Variants in TMEM38B observed in about 807,000 individuals in gnomAD.
TMEM38B encodes the protein trimeric intracellular cation channel type B.
A neutral mutation model predicts 28.7 loss-of-function variants in TMEM38B; 24 were observed. The observed-to-expected ratio is 0.84, with a 90% CI of 0.61 to 1.18. TMEM38B has a LOEUF of 1.18. Among genes scored for constraint, TMEM38B ranks in the 50% most tolerant of loss-of-function variants. The pLI, the probability that TMEM38B is intolerant of heterozygous loss-of-function variation, is 0.00. For missense variants in TMEM38B, 380 were observed against 350.9 expected, an observed-to-expected ratio of 1.08 and a Z score of -0.66; for synonymous variants, 131 against 127.7, an observed-to-expected ratio of 1.03 and a Z score of -0.17.
chr9:105,742,838 T>G (rs2133609170), intron 4 of TMEM38B, among the ~76,000 whole-genome samples: 1 of 152,360 alleles, frequency 6.6e-6, no homozygotes, highest in East Asian at 1.9e-4. Context: ...TATCTTATCC[T>G]TTTAAATTTT....
intron 5 of TMEM38B, among the ~76,000 whole-genome samples, chr9:105,753,480 C>CT (rs1415523327): frequency 6.6e-6 from 1 of 152,114 alleles, no homozygotes; most frequent in African/African-American, 2.4e-5. Context: ...AGTGGAAACC[C>CT]TACGAGCCAG....
At position 105,713,997 on chromosome 9, in the gene TMEM38B, C is replaced by A. The variant is rs1836004212; in HGVS notation, c.270-7540C>A. Among the ~76,000 whole-genome samples the A allele has an allele frequency of 4.6e-5, 7 of 152,208 alleles. No homozygotes were observed. In the South Asian group the frequency reaches 1.5e-3, roughly 32 times the overall value. ...GCTACCCTGTCTGCTGAGAGCTGAGCACGGAGGAGTTACCCTCTCTGCAGG... is the reference window on the plus strand; with the variant it reads ...GCTACCCTGTCTGCTGAGAGCTGAGAACGGAGGAGTTACCCTCTCTGCAGG... On this transcript the variant is annotated intron_variant, in intron 2 of 5. Coordinates refer to ENST00000374692, the MANE Select transcript of TMEM38B (RefSeq NM_018112.3).
chr9:105,723,535 G>T (rs1261739641), intron 4 of TMEM38B, among the ~76,000 whole-genome samples: 2 of 151,942 alleles, frequency 1.3e-5, no homozygotes, highest in African/African-American at 4.8e-5. Context: ...GTGACTACAG[G>T]CATCTGCCAT....
chr9:105,762,924 T>G (rs1838117362), intron 5 of TMEM38B, among the ~76,000 whole-genome samples: 1 of 141,456 alleles, frequency 7.1e-6, no homozygotes, highest in Non-Finnish European at 1.5e-5. Flanking sequence ...CACCTGTTGT[T>G]TCCTGACTTT....
chr9:105,760,871 A>T (rs557730716), intron 5 of TMEM38B: 3 of 575,100 alleles, frequency 5.2e-6, no homozygotes, highest in Non-Finnish European at 9.0e-6. Flanking sequence ...TAAGCACATT[A>T]TGTAAGGAAG....
intron 5 of TMEM38B, among the ~76,000 whole-genome samples, chr9:105,757,145 A>T (rs1365414030): frequency 6.6e-6 from 1 of 152,194 alleles, no homozygotes; most frequent in East Asian, 1.9e-4. Flanking sequence ...CTTATAGAGA[A>T]CATATGATAT....
intron 2 of TMEM38B, among the ~76,000 whole-genome samples, chr9:105,714,875 T>C (rs762577325): frequency 5.3e-5 from 8 of 152,246 alleles, no homozygotes; most frequent in South Asian, 4.1e-4. Flanking sequence ...CTCACTGTTA[T>C]TGGGTTGATC....
At chr9:105,759,860 TAAG>T in intron 5 of TMEM38B, 2 of 1,590,110 alleles carry the variant, frequency 1.3e-6, no homozygotes, top group Non-Finnish European at 1.7e-6. Flanking sequence ...AGTTTGCTTT[TAAG>T]AAGTAGTACA....
chr9:105,749,163 C>T lies in TMEM38B; in HGVS notation c.660+973C>T, dbSNP rs1200133061. The T allele has an allele frequency of 8.1e-6, 10 of 1,235,032 alleles. No homozygotes were observed. The South Asian group carries it at 1.0e-4, about 13-fold the overall frequency. The allele number at this position is 1,235,032 out of a possible 1,614,324, so 76.5% of individuals were successfully genotyped here. Reference sequence around the variant, plus strand: ...TTCACATGTAGTCTCTTCCAGTCCTCAAATGTTGAGCCGTGTATATTTTTT... The same window carrying T: ...TTCACATGTAGTCTCTTCCAGTCCTTAAATGTTGAGCCGTGTATATTTTTT... On this transcript the variant is annotated intron_variant, in intron 5 of 5. Transcript: ENST00000374692.
intron 1 of TMEM38B, among the ~76,000 whole-genome samples, chr9:105,703,305 T>C (rs9696294): frequency 0.19 from 28,150 of 152,138 alleles, 4,142 homozygotes; most frequent in East Asian, 0.46. Flanking sequence ...GCCAACATGG[T>C]GGAACTCTGT....
rs1405666203 is a variant in TMEM38B, at chr9:105,710,711, C to T, written c.269+4958C>T. 6 of 650,692 alleles carry T rather than the reference C, an allele frequency of 9.2e-6. No homozygotes were observed. The African/African-American group carries it at 1.1e-4, about 12-fold the overall frequency. 40.3% of individuals were successfully genotyped at this position (650,692 alleles called of 1,614,324 possible). On this transcript the variant is annotated intron_variant, in intron 2 of 5. Transcript: ENST00000374692. ...CGACCAAATTCACACCGTAAATCTT[C>T]AGACCTGGTGTCGTTGGCTATGTTC...
At chr9:105,765,022 T>C (rs949042143) in intron 5 of TMEM38B, among the ~76,000 whole-genome samples, 12 of 152,230 alleles carry the variant, frequency 7.9e-5, no homozygotes, top group African/African-American at 2.9e-4. Flanking sequence ...GACAACTGGC[T>C]AGCCATATGT....
intron 1 of TMEM38B, among the ~76,000 whole-genome samples, chr9:105,699,790 G>A (rs1008736108): frequency 6.6e-6 from 1 of 152,054 alleles, no homozygotes; most frequent in African/African-American, 2.4e-5. Context: ...CTGAACCCTT[G>A]CGTGTGATTG....
chr9:105,772,676 A>T (rs1449110651), intron 5 of TMEM38B, among the ~76,000 whole-genome samples: 2 of 151,992 alleles, frequency 1.3e-5, no homozygotes, highest in Non-Finnish European at 2.9e-5. Context: ...TTTTTTTTTA[A>T]AAATTGAGTT....
chr9:105,745,856 G>T (rs189291023), intron 4 of TMEM38B, among the ~76,000 whole-genome samples: 4,888 of 152,144 alleles, frequency 0.032, 110 homozygotes, highest in South Asian at 0.093. Context: ...CCCATTTCTT[G>T]TTTTTGTCAG....
intron 4 of TMEM38B, among the ~76,000 whole-genome samples, chr9:105,731,052 G>T (rs576266294): frequency 2.1e-4 from 32 of 151,970 alleles, no homozygotes; most frequent in African/African-American, 7.5e-4. Flanking sequence ...GGTTTTTTGT[G>T]TCTCTATCTC....
chr9:105,768,437 A>C (rs1196798807), intron 5 of TMEM38B, among the ~76,000 whole-genome samples: 8 of 152,102 alleles, frequency 5.3e-5, no homozygotes, highest in African/African-American at 1.9e-4. Flanking sequence ...TGGGCTCATT[A>C]AATAAATGGA....
At chr9:105,730,944 A>G (rs574875431) in intron 4 of TMEM38B, among the ~76,000 whole-genome samples, 160 of 150,248 alleles carry the variant, frequency 1.1e-3, no homozygotes, top group African/African-American at 3.8e-3. Context: ...CGTCTATTTG[A>G]TTCTTCTCTC....
chr9:105,769,638 C>T (rs1826484613), intron 5 of TMEM38B, among the ~76,000 whole-genome samples: 1 of 152,094 alleles, frequency 6.6e-6, no homozygotes, highest in Non-Finnish European at 1.5e-5. Flanking sequence ...TGCAAATGTT[C>T]TTTTTCAGTG....
Sources: gnomAD v4.1 joint callset for allele counts (sites outside exome capture counted in the v4.1 genomes callset) on GRCh38, gnomAD v4.1.1 for gene constraint, MANE v1.5 for transcripts, NCBI Gene and HGNC (gene_info 2026-07-23, HGNC 2026-07-21) for gene names.